Variants in CDH13 observed in about 807,000 individuals in gnomAD.
CDH13 encodes the protein cadherin-13.
Under a neutral mutation model 63.8 loss-of-function variants are expected in CDH13, and 24 were observed. The ratio of observed to expected loss-of-function variants is 0.38; its 90% CI spans 0.27 to 0.53. CDH13 has a LOEUF of 0.53. Among genes scored for constraint, CDH13 ranks in the 20% least tolerant of loss-of-function variants. The pLI, the probability that CDH13 is intolerant of heterozygous loss-of-function variation, is 0.85. For missense variants in CDH13, 1,049 were observed against 903.1 expected, an observed-to-expected ratio of 1.16 and a Z score of -2.07; for synonymous variants, 503 against 355.3, an observed-to-expected ratio of 1.42 and a Z score of -4.67.
At chr16:83,701,141 C>A (rs1354365590) in intron 10 of CDH13, among the ~76,000 whole-genome samples, 1 of 152,080 alleles carries the variant, frequency 6.6e-6, no homozygotes, top group Non-Finnish European at 1.5e-5. Context: ...CTTGCCGAAG[C>A]CAGGGCTGGA....
intron 1 of CDH13, among the ~76,000 whole-genome samples, chr16:82,677,699 G>C (rs1033070479): frequency 6.6e-6 from 1 of 152,064 alleles, no homozygotes; most frequent in Non-Finnish European, 1.5e-5. Context: ...GTGTACAATA[G>C]CACTGACAGA....
At chr16:83,420,282 A>G (rs1420225159) in intron 6 of CDH13, among the ~76,000 whole-genome samples, 1 of 152,186 alleles carries the variant, frequency 6.6e-6, no homozygotes, top group Non-Finnish European at 1.5e-5. Flanking sequence ...AGCATCAACT[A>G]AGGTCAGTGA....
chr16:82,692,838 C>A (rs148129823), intron 1 of CDH13, among the ~76,000 whole-genome samples: 1 of 152,234 alleles, frequency 6.6e-6, no homozygotes, highest in Admixed American at 6.5e-5. Context: ...TGGTAGGCAG[C>A]TTCTAAGTGA....
chr16:83,531,041 G>A (rs967532999), intron 7 of CDH13, among the ~76,000 whole-genome samples: 1 of 152,090 alleles, frequency 6.6e-6, no homozygotes, highest in Non-Finnish European at 1.5e-5. Context: ...GGATAGTTAC[G>A]AGCATTAAAT....
At chr16:83,480,425 C>T (rs566158524) in intron 6 of CDH13, among the ~76,000 whole-genome samples, 79 of 151,612 alleles carry the variant, frequency 5.2e-4, no homozygotes, top group African/African-American at 1.8e-3. Context: ...TGGCTTGATT[C>T]TGCTTTGGTT....
chr16:83,596,403 C>G (rs777666271), intron 7 of CDH13, among the ~76,000 whole-genome samples: 4 of 149,312 alleles, frequency 2.7e-5, no homozygotes, highest in Admixed American at 1.3e-4. Flanking sequence ...TCCAGTTGTC[C>G]CAGCTTGAAT....
chr16:82,958,448 G>A (rs375573922), intron 2 of CDH13, among the ~76,000 whole-genome samples: 2 of 152,154 alleles, frequency 1.3e-5, no homozygotes, highest in Admixed American at 6.5e-5. Flanking sequence ...CCAGTGTCAG[G>A]GAGATGGCCC....
chr16:83,597,169 G>T (rs970941678), intron 7 of CDH13, among the ~76,000 whole-genome samples: 1 of 152,134 alleles, frequency 6.6e-6, no homozygotes, highest in African/African-American at 2.4e-5. Flanking sequence ...GCTGCAGTGA[G>T]CTGTGATCAT....
chr16:83,725,662 T>C (rs542219337), intron 10 of CDH13: 1 of 152,392 alleles, frequency 6.6e-6, no homozygotes, highest in East Asian at 1.9e-4. Flanking sequence ...AACAAAGTGA[T>C]GGGCCAAGCA....
intron 5 of CDH13, among the ~76,000 whole-genome samples, chr16:83,330,646 A>C (rs367929525): frequency 2.2e-4 from 34 of 152,230 alleles, no homozygotes; most frequent in African/African-American, 3.9e-4. Context: ...ACAGAGGCCA[A>C]CTCAGTACTG....
chr16:83,572,296 C>T (rs925582070), intron 7 of CDH13, among the ~76,000 whole-genome samples: 25 of 151,852 alleles, frequency 1.6e-4, no homozygotes, highest in African/African-American at 5.8e-4. Context: ...AGGCGATTCT[C>T]ATGCCTCAGC....
chr16:83,729,529 C>T (rs35132801), intron 10 of CDH13, among the ~76,000 whole-genome samples: 17,160 of 152,182 alleles, frequency 0.11, 933 homozygotes, highest in Middle Eastern at 0.16. Flanking sequence ...GGTCAGACAG[C>T]GAGGCATCAC....
At position 83,000,569 on chromosome 16, in the gene CDH13, TTTCTC is replaced by T. The variant is rs1452709769; in HGVS notation, c.158-31438_158-31434del. Among the ~76,000 whole-genome samples, 18 of 137,484 alleles carry T rather than the reference TTTCTC, an allele frequency of 1.3e-4. 1 individual carries two copies. The highest frequency in any genetic ancestry group is 4.3e-4 in the African/African-American group (15 of 34,750). The allele number at this position is 137,484 out of a possible 152,430, so 90.2% of individuals were successfully genotyped here. ...GACCCCAAGGTTGTCTCTTTTTTCT[TTTCTC>T]TTTTTTTTTTTTTTTTGTTTTGTTT... is the stretch of plus-strand genomic sequence containing the variant. On this transcript the variant is annotated intron_variant, in intron 2 of 13. Coordinates refer to ENST00000567109, the MANE Select transcript of CDH13 (RefSeq NM_001257.5).
chr16:82,715,652 G>T (rs753420872), intron 1 of CDH13, among the ~76,000 whole-genome samples: 2 of 152,112 alleles, frequency 1.3e-5, no homozygotes, highest in Non-Finnish European at 2.9e-5. Context: ...CACCGTCTGT[G>T]CCCTGTCAAG....
intron 7 of CDH13, among the ~76,000 whole-genome samples, chr16:83,555,772 G>A (rs2075587682): frequency 6.6e-6 from 1 of 152,182 alleles, no homozygotes; most frequent in Non-Finnish European, 1.5e-5. Context: ...GGCTAATGTT[G>A]GATAGTCTGT....
intron 2 of CDH13, among the ~76,000 whole-genome samples, chr16:82,912,146 C>T (rs1597198094): frequency 6.6e-6 from 1 of 152,062 alleles, no homozygotes; most frequent in Non-Finnish European, 1.5e-5. Context: ...CCTCTTCTCC[C>T]CTTAATCTCC....
intron 2 of CDH13, among the ~76,000 whole-genome samples, chr16:82,967,673 C>A (rs1206197713): frequency 1.2e-4 from 19 of 152,182 alleles, no homozygotes; most frequent in Admixed American, 1.2e-3. Context: ...CCCCAGCCTG[C>A]TTTCACAGTT....
intron 10 of CDH13, chr16:83,735,357 A>G (rs1195277897): frequency 2.0e-5 from 3 of 152,150 alleles, no homozygotes; most frequent in African/African-American, 7.2e-5. Flanking sequence ...CTCTTCTTCA[A>G]TCATTGATTC....
chr16:82,874,239 G>A (rs775187986), intron 2 of CDH13, among the ~76,000 whole-genome samples: 22 of 152,028 alleles, frequency 1.4e-4, no homozygotes, highest in Non-Finnish European at 5.9e-5. Flanking sequence ...AACATGTTTG[G>A]TATGCTGAGT....
Sources: gnomAD v4.1 joint callset for allele counts (sites outside exome capture counted in the v4.1 genomes callset) on GRCh38, gnomAD v4.1.1 for gene constraint, MANE v1.5 for transcripts, NCBI Gene and HGNC (gene_info 2026-07-23, HGNC 2026-07-21) for gene names.